The following DAB1 variants were observed in gnomAD, a reference collection of about 807,000 sequenced individuals.
DAB1 encodes disabled homolog 1.
A neutral mutation model predicts 64.6 loss-of-function variants in DAB1; 15 were observed. That is an observed-to-expected ratio of 0.23 (90% CI 0.16 to 0.36). DAB1 has a LOEUF of 0.36. Among genes scored for constraint, DAB1 ranks in the 10% least tolerant of loss-of-function variants. DAB1 has a pLI of 1.00. For missense variants in DAB1, 596 were observed against 706.7 expected, an observed-to-expected ratio of 0.84 and a Z score of 1.78; for synonymous variants, 235 against 251.9, an observed-to-expected ratio of 0.93 and a Z score of 0.64.
chr1:58,180,059 T>A (rs6666519), intron 4 of DAB1, among the ~76,000 whole-genome samples: 2,658 of 151,936 alleles, frequency 0.017, 65 homozygotes, highest in African/African-American at 0.06. Context: ...ATATAGGTGG[T>A]TATATGCAAA....
upstream of DAB1, among the ~76,000 whole-genome samples, chr1:57,888,308 C>T (rs559912272): frequency 6.6e-6 from 1 of 152,112 alleles, no homozygotes; most frequent in Admixed American, 6.5e-5. Flanking sequence ...ATCCACCATT[C>T]CCTAGGTCCC....
intron 6 of DAB1, among the ~76,000 whole-genome samples, chr1:57,737,950 C>T (rs758094894): frequency 1.3e-5 from 2 of 152,210 alleles, no homozygotes; most frequent in Non-Finnish European, 2.9e-5. Flanking sequence ...AAAAAACTGG[C>T]TGAAAGTCCT....
chr1:58,254,136 C>T (rs1319527168), intron 4 of DAB1, among the ~76,000 whole-genome samples: 1 of 152,146 alleles, frequency 6.6e-6, no homozygotes, highest in East Asian at 1.9e-4. Context: ...CAAGGGGAAA[C>T]ATGCAATAAG....
intron 7 of DAB1, among the ~76,000 whole-genome samples, chr1:57,478,261 A>G (rs1185588582): frequency 3.3e-5 from 5 of 152,124 alleles, no homozygotes; most frequent in African/African-American, 4.8e-5. Flanking sequence ...GATTTTTAAC[A>G]AGTGATTTGA....
At chr1:57,000,567 T>C (rs937124865) in intron 14 of DAB1, among the ~76,000 whole-genome samples, 3 of 152,228 alleles carry the variant, frequency 2.0e-5, no homozygotes, top group Non-Finnish European at 4.4e-5. Flanking sequence ...TCCAGTCTCT[T>C]GAACTATTTC....
At chr1:57,534,866 T>C (rs1644707247) in intron 7 of DAB1, among the ~76,000 whole-genome samples, 1 of 152,208 alleles carries the variant, frequency 6.6e-6, no homozygotes, top group South Asian at 2.1e-4. Flanking sequence ...AGGCCTTGTG[T>C]GACCTGGATC....
chr1:57,995,704 C>A (rs1646413686), intron 5 of DAB1, among the ~76,000 whole-genome samples: 1 of 151,790 alleles, frequency 6.6e-6, no homozygotes, highest in Non-Finnish European at 1.5e-5. Flanking sequence ...AGATCAAGAC[C>A]CTCTAGGGAA....
At chr1:57,401,838 T>A (rs1005899587) in intron 1 of DAB1, among the ~76,000 whole-genome samples, 17 of 152,174 alleles carry the variant, frequency 1.1e-4, no homozygotes, top group African/African-American at 4.1e-4. Context: ...GTAACTCAAT[T>A]CAGCATAGAT....
At chr1:57,102,009 T>A (rs1654723551) in intron 4 of DAB1, among the ~76,000 whole-genome samples, 1 of 152,166 alleles carries the variant, frequency 6.6e-6, no homozygotes, top group Non-Finnish European at 1.5e-5. Context: ...GTGCTTTAAA[T>A]CCCTATGCCA....
At chr1:58,195,627 A>G (rs1657634637) in intron 4 of DAB1, among the ~76,000 whole-genome samples, 1 of 152,204 alleles carries the variant, frequency 6.6e-6, no homozygotes, top group Non-Finnish European at 1.5e-5. Flanking sequence ...TAACTTACTC[A>G]TCTATTCAAC....
rs371437794 is a variant in DAB1, at chr1:57,069,348, G to A, written c.663+12C>T. ...AGTGGTGCAATGGTAAGAGAGGCAA[G>A]CAATTTTATACCTGATAAATGTTTT... On this transcript the variant is annotated intron_variant, in intron 8 of 14. Transcript: ENST00000371236. 31 of 1,609,996 alleles carry A rather than the reference G, an allele frequency of 1.9e-5. No homozygotes were observed. In the African/African-American group the frequency reaches 3.1e-4, roughly 16 times the overall value.
chr1:57,941,862 G>T (rs1645111197), intron 5 of DAB1, among the ~76,000 whole-genome samples: 1 of 152,010 alleles, frequency 6.6e-6, no homozygotes, highest in Admixed American at 6.6e-5. Context: ...AAATCTAATG[G>T]GGTGGTGAAA....
At chr1:57,589,867 C>T (rs1645423251) in intron 7 of DAB1, among the ~76,000 whole-genome samples, 1 of 152,154 alleles carries the variant, frequency 6.6e-6, no homozygotes, top group Non-Finnish European at 1.5e-5. Context: ...CATAACAATA[C>T]ACTTTTTATT....
intron 9 of DAB1, among the ~76,000 whole-genome samples, chr1:57,061,965 G>T (rs1378630166): frequency 6.6e-6 from 1 of 152,218 alleles, no homozygotes; most frequent in Non-Finnish European, 1.5e-5. Flanking sequence ...GGTCAATAGT[G>T]ACTGAACACG....
At chr1:57,666,907 A>AGAGAGG (rs898501563) in intron 6 of DAB1, among the ~76,000 whole-genome samples, 22 of 151,048 alleles carry the variant, frequency 1.5e-4, no homozygotes, top group Non-Finnish European at 3.0e-4. Context: ...AGGGGGAGAG[A>AGAGAGG]GAGAGGGAGA....
At chr1:57,099,740 A>G (rs911622113) in intron 4 of DAB1, among the ~76,000 whole-genome samples, 4 of 152,222 alleles carry the variant, frequency 2.6e-5, no homozygotes, top group African/African-American at 9.6e-5. Context: ...GTGAGTTAGA[A>G]GCAAAGGCAC....
intron 7 of DAB1, among the ~76,000 whole-genome samples, chr1:57,493,764 T>TCACACACACACA (rs397963642): frequency 4.1e-5 from 6 of 148,142 alleles, no homozygotes; most frequent in African/African-American, 1.5e-4. Context: ...TATTCACAGC[T>TCACACACACACA]CACACACACA....
chr1:58,001,178 T>C (rs1365750172), intron 5 of DAB1, among the ~76,000 whole-genome samples: 15 of 152,046 alleles, frequency 9.9e-5, no homozygotes, highest in Admixed American at 9.8e-4. Flanking sequence ...TGCCCCTCAC[T>C]TGCTCCATCT....
At chr1:57,698,992 C>A (rs1356034407) in intron 6 of DAB1, among the ~76,000 whole-genome samples, 2 of 152,158 alleles carry the variant, frequency 1.3e-5, no homozygotes, top group African/African-American at 4.8e-5. Flanking sequence ...GGCTAGAGTG[C>A]AATGGCATGA....
Sources: allele counts gnomAD v4.1 joint callset (sites outside exome capture counted in the v4.1 genomes callset), GRCh38; gene constraint gnomAD v4.1.1; transcripts MANE v1.5; gene names NCBI Gene and HGNC (gene_info 2026-07-23, HGNC 2026-07-21).